Variants in GABRG2 observed in about 807,000 individuals in gnomAD.
GABRG2 encodes gamma-aminobutyric acid type A receptor subunit gamma2, also known as gamma-aminobutyric acid receptor subunit gamma-2.
In GABRG2, 16 loss-of-function variants were observed where a neutral mutation model predicts 56.4. The ratio of observed to expected loss-of-function variants is 0.28; its 90% CI spans 0.19 to 0.43. The LOEUF (loss-of-function observed/expected upper bound fraction) is 0.43, where lower values mean the gene tolerates loss of function less well. Ranked by LOEUF, GABRG2 falls within the 20% of genes least tolerant of loss-of-function variation. The pLI is 1.00. For synonymous variants in GABRG2, 208 were observed against 205.5 expected (o/e 1.01, Z -0.10); for missense variants, 327 against 582.7 (o/e 0.56, Z 4.52).
chr5:162,129,611 T>C (rs1763580724), intron 6 of GABRG2, among the ~76,000 whole-genome samples: 1 of 152,070 alleles, frequency 6.6e-6, no homozygotes, highest in East Asian at 1.9e-4. Context: ...TGATAATTTT[T>C]TCCATTTTCA....
intron 6 of GABRG2, among the ~76,000 whole-genome samples, chr5:162,135,082 T>C (rs1764024708): frequency 6.6e-6 from 1 of 152,222 alleles, no homozygotes; most frequent in Non-Finnish European, 1.5e-5. Context: ...CTTGGCACAC[T>C]GTGGTGCTTG....
intron 6 of GABRG2, among the ~76,000 whole-genome samples, chr5:162,123,735 C>G (rs1275696574): frequency 6.6e-6 from 1 of 151,608 alleles, no homozygotes; most frequent in Non-Finnish European, 1.5e-5. Flanking sequence ...TATTATTATT[C>G]TATAGGAGAG....
chr5:162,123,096 A>G (rs1763084639), intron 6 of GABRG2, among the ~76,000 whole-genome samples: 1 of 151,780 alleles, frequency 6.6e-6, no homozygotes, highest in African/African-American at 2.4e-5. Flanking sequence ...ATATTTGAAA[A>G]CAAAGTGTTT....
chr5:162,142,088 TTAA>T, intron 6 of GABRG2, 73 bp from the exon 7 acceptor site: 1 of 1,497,300 alleles, frequency 6.7e-7, no homozygotes, highest in African/African-American at 1.4e-5. Context: ...TGCATAACCA[TTAA>T]ATACATGCTT....
At chr5:162,069,300 T>A (rs1189667270) in intron 1 of GABRG2, among the ~76,000 whole-genome samples, 1 of 152,156 alleles carries the variant, frequency 6.6e-6, no homozygotes, top group Non-Finnish European at 1.5e-5. Flanking sequence ...GAAATAAAGT[T>A]CTATAAATAT....
Position 162,095,541 on chromosome 5 carries a change from TC to T in GABRG2, c.308del (p.Pro103GlnfsTer2). The stretch of plus-strand genomic sequence containing the variant: ...CAGACATGTATGTGAATAGCATTGG[TC>T]CAGTGAACGCTATCAATATGGTGAG... ...HTDMYVNSIG[P>X]VNAINMEYTI... On this transcript the variant is annotated frameshift_variant, in exon 3 of 10. Transcript: ENST00000639213. LOFTEE classifies it high-confidence loss of function. The T allele has an allele frequency of 6.2e-7, 1 of 1,607,238 alleles. No individual in the cohort carries two copies. The highest frequency in any genetic ancestry group is 8.5e-7 in the Non-Finnish European group (1 of 1,174,526).
chr5:162,109,420 A>ATATATATTTATTTATTTATT (rs1424412323), intron 6 of GABRG2, among the ~76,000 whole-genome samples: 79 of 116,088 alleles, frequency 6.8e-4, no homozygotes, highest in African/African-American at 2.2e-3. Context: ...ATATATATAT[A>ATATATATTTATTTATTTATT]TATTTATTTA....
intron 1 of GABRG2, among the ~76,000 whole-genome samples, chr5:162,077,801 G>A (rs534719142): frequency 6.6e-6 from 1 of 152,104 alleles, no homozygotes; most frequent in African/African-American, 2.4e-5. Context: ...ATCTTAAGGT[G>A]CTAGAAAATC....
chr5:162,128,185 G>A (rs1390881215), intron 6 of GABRG2: 2 of 152,004 alleles, frequency 1.3e-5, no homozygotes, highest in Non-Finnish European at 2.9e-5. Flanking sequence ...CACAGAAGGT[G>A]GCTGCACGCC....
At chr5:162,129,337 A>G (rs1432737812) in intron 6 of GABRG2, 2 of 152,042 alleles carry the variant, frequency 1.3e-5, no homozygotes, top group Non-Finnish European at 2.9e-5. Flanking sequence ...CTCCTTGTTC[A>G]GAACACAAGT....
At chr5:162,081,619 A>G (rs1759674209) in intron 1 of GABRG2, among the ~76,000 whole-genome samples, 1 of 152,044 alleles carries the variant, frequency 6.6e-6, no homozygotes, top group Non-Finnish European at 1.5e-5. Context: ...TTTGAGATTC[A>G]TCTAAGTTGT....
At chr5:162,098,167 T>C (rs1476590848) in intron 4 of GABRG2, 1 of 375,072 alleles carries the variant, frequency 2.7e-6, no homozygotes, top group African/African-American at 2.1e-5. Context: ...GCACCTACGC[T>C]TTGCACTCTT....
chr5:162,135,320 A>T (rs1288453854), intron 6 of GABRG2, among the ~76,000 whole-genome samples: 1 of 152,100 alleles, frequency 6.6e-6, no homozygotes, highest in Non-Finnish European at 1.5e-5. Context: ...AGAAGCAGTA[A>T]TTTGTAATGT....
intron 4 of GABRG2, among the ~76,000 whole-genome samples, chr5:162,100,623 T>C (rs1405275574): frequency 1.3e-5 from 2 of 152,184 alleles, no homozygotes; most frequent in South Asian, 2.1e-4. Flanking sequence ...TCTGTGTATG[T>C]GCTTTTAACA....
chr5:162,086,399 G>C (rs1472692794), intron 1 of GABRG2, among the ~76,000 whole-genome samples: 1 of 151,982 alleles, frequency 6.6e-6, no homozygotes, highest in African/African-American at 2.4e-5. Context: ...GATGCTTAAT[G>C]CTCTGCTTTT....
At chr5:162,151,657 C>T in intron 8 of GABRG2, 73 bp from the exon 9 acceptor site, 1 of 1,246,878 alleles carries the variant, frequency 8.0e-7, no homozygotes, top group Non-Finnish European at 1.1e-6. Flanking sequence ...TTGTCTCTCT[C>T]TTTTTTTTTC....
intron 6 of GABRG2, among the ~76,000 whole-genome samples, chr5:162,130,145 T>C (rs1466107849): frequency 6.6e-6 from 1 of 151,962 alleles, no homozygotes; most frequent in Non-Finnish European, 1.5e-5. Context: ...TTAACAGATA[T>C]CTTAAAAATA....
chr5:162,071,061 G>A (rs1178055798), intron 1 of GABRG2, among the ~76,000 whole-genome samples: 4 of 151,554 alleles, frequency 2.6e-5, no homozygotes, highest in African/African-American at 9.7e-5. Flanking sequence ...ATATAACAAA[G>A]CATAAGGAAT....
intron 5 of GABRG2, chr5:162,102,252 C>T (rs368698554): frequency 3.8e-4 from 81 of 215,854 alleles, no homozygotes; most frequent in African/African-American, 1.6e-3. Context: ...TTCATGTTTT[C>T]CTGAATCCAA....
Sources: allele counts gnomAD v4.1 joint callset (sites outside exome capture counted in the v4.1 genomes callset), GRCh38; gene constraint gnomAD v4.1.1; transcripts MANE v1.5; gene names NCBI Gene and HGNC (gene_info 2026-07-23, HGNC 2026-07-21).